Variants in SCN1A observed in about 807,000 individuals in gnomAD.
SCN1A encodes sodium voltage-gated channel alpha subunit 1.
A neutral mutation model predicts 193.7 loss-of-function variants in SCN1A; 13 were observed. That is an observed-to-expected ratio of 0.07 (90% CI 0.04 to 0.11). The LOEUF is 0.11. Among genes scored for constraint, SCN1A ranks in the 10% least tolerant of loss-of-function variants. SCN1A has a pLI of 1.00. For missense variants in SCN1A, 1,432 were observed against 2,451.1 expected, an observed-to-expected ratio of 0.58 and a Z score of 8.78; for synonymous variants, 781 against 843.6, an observed-to-expected ratio of 0.93 and a Z score of 1.29.
At chr2:166,129,769 T>C (rs1691575730), upstream of SCN1A, among the ~76,000 whole-genome samples, 1 of 152,174 alleles carries the variant, frequency 6.6e-6, no homozygotes. Context: ...TGGCCACATG[T>C]TTTAATGAAT....
At chr2:166,027,189 C>T (rs1195124201) in intron 19 of SCN1A, 1 of 152,256 alleles carries the variant, frequency 6.6e-6, no homozygotes, top group East Asian at 1.9e-4. Flanking sequence ...GCCTTGTACA[C>T]CAGGGCATTC....
In SCN1A at chr2:166,099,506, G is replaced by A. The variant is rs1177207965; in HGVS notation, c.-141-21705C>T. On this transcript the variant is annotated intron_variant, in intron 2 of 28. Transcript: ENST00000674923. ...TATTCAACATAGTGTTGGAAGTTCT[G>A]GCCAGGGCAATTAGGCAGGAGAAGG... Among the ~76,000 whole-genome samples, 14 of 144,098 alleles carry A rather than the reference G, an allele frequency of 9.7e-5. No homozygotes were observed. The South Asian group carries it at 2.9e-3, about 30-fold the overall frequency. The allele number at this position is 144,098 out of a possible 152,430, so 94.5% of individuals were successfully genotyped here. A position where few individuals can be genotyped will look rare whatever the true frequency, so the allele number is the denominator to read the frequency against.
At chr2:166,081,515 T>TA (rs1685522782) in intron 2 of SCN1A, 1 of 151,852 alleles carries the variant, frequency 6.6e-6, no homozygotes, top group African/African-American at 2.4e-5. Context: ...TTCTGTGAGA[T>TA]AAAAAGGTGA....
In SCN1A at chr2:166,052,835, T is replaced by C. The variant is rs1316113332; in HGVS notation, c.694+17A>G. 12 of 1,597,682 alleles carry C rather than the reference T, an allele frequency of 7.5e-6. No individual in the cohort carries two copies. The highest frequency in any genetic ancestry group is 5.0e-5 in the Admixed American group (3 of 59,674). ...ATCACATGATGGGTCCGTCTCATTA[T>C]CTAACCTTGCTCTCACCTGGAATGA... On this transcript the variant is annotated intron_variant, in intron 8 of 28. Coordinates refer to ENST00000674923, the MANE Select transcript of SCN1A (RefSeq NM_001165963.4).
chr2:165,992,499 C>A lies in SCN1A; in HGVS notation c.4853-77G>T. On this transcript the variant is annotated intron_variant, in intron 28 of 28. Transcript: ENST00000674923. This position sits in a 1 kb window ranked among gnomAD's most constrained non-coding sequence, Gnocchi z 6.5. Reference sequence around the variant, plus strand: ...TAAACATATGTTTCTTCTAAAGCTCCAAGGTAAGGTTCAGAGTCCTGAACC... The same window carrying A: ...TAAACATATGTTTCTTCTAAAGCTCAAAGGTAAGGTTCAGAGTCCTGAACC... 2.6e-6 allele frequency: 4 copies of A among 1,552,350 alleles called. No individual in the cohort carries two copies. The highest frequency in any genetic ancestry group is 3.5e-6 in the Non-Finnish European group (4 of 1,127,870).
intron 19 of SCN1A, among the ~76,000 whole-genome samples, chr2:166,031,765 T>C (rs1258745025): frequency 6.6e-6 from 1 of 152,156 alleles, no homozygotes; most frequent in African/African-American, 2.4e-5. Context: ...GCTAAGTACT[T>C]CACATTTATT....
rs545740675 is a variant in SCN1A, at chr2:166,090,029, CTTTTTTTTTTTTT to C, written c.-141-12241_-141-12229del. Among the ~76,000 whole-genome samples the C allele has an allele frequency of 2.8e-3, 200 of 71,434 alleles. 1 individual carries two copies. Among genetic ancestry groups the C allele is most frequent in the South Asian group, 0.023 (40 of 1,762 alleles). The allele number at this position is 71,434 out of a possible 152,430, so 46.9% of individuals were successfully genotyped here. On this transcript the variant is annotated intron_variant, in intron 2 of 28. Transcript: ENST00000674923. ...TCTTCCTTCCTTCCTTCCTTCTTTC[CTTTTTTTTTTTTT>C]TTTTTTTTTTTTTTTGATATAGGGT...
intron 3 of SCN1A, among the ~76,000 whole-genome samples, chr2:166,076,349 A>C (rs1257524640): frequency 6.6e-6 from 1 of 151,914 alleles, no homozygotes; most frequent in African/African-American, 2.4e-5. Flanking sequence ...TATTTTATCT[A>C]TTTGGAATTT....
chr2:166,003,857 A>AT (rs772797378), intron 23 of SCN1A, among the ~76,000 whole-genome samples: 229 of 116,292 alleles, frequency 2.0e-3, no homozygotes, highest in Non-Finnish European at 3.1e-3. Context: ...TTTTAGAACA[A>AT]TTTTTTTTAA....
At chr2:166,052,168 T>C (rs1191179796) in intron 8 of SCN1A, among the ~76,000 whole-genome samples, 180 bp from the exon 9 acceptor site, 1 of 152,004 alleles carries the variant, frequency 6.6e-6, no homozygotes, top group Non-Finnish European at 1.5e-5. Flanking sequence ...AGAAATGTAA[T>C]GATTTAAACA....
At chr2:166,131,666 A>G (rs1361529460), upstream of SCN1A, among the ~76,000 whole-genome samples, 1 of 152,232 alleles carries the variant, frequency 6.6e-6, no homozygotes, top group Non-Finnish European at 1.5e-5. Flanking sequence ...CAGAAGGCTG[A>G]GGAATTAGTG....
chr2:166,012,005 A>T, intron 22 of SCN1A, 104 bp downstream of exon 22: 1 of 997,046 alleles, frequency 1.0e-6, no homozygotes, highest in South Asian at 1.3e-5. Context: ...TGGTTATTAT[A>T]GTCTGTCAAC....
intron 20 of SCN1A, among the ~76,000 whole-genome samples, chr2:166,014,574 CA>C (rs201991349): frequency 3.8e-5 from 3 of 79,090 alleles, no homozygotes; most frequent in Non-Finnish European, 5.3e-5. Flanking sequence ...AGAACCTTAC[CA>C]AAAAAAATCT....
At position 165,991,486 on chromosome 2, in the gene SCN1A, A is replaced by C; in HGVS notation, c.5789T>G (p.Leu1930Arg). 6.2e-7 allele frequency: 1 copy of C among 1,613,902 alleles called. No individual in the cohort carries two copies. Among genetic ancestry groups the C allele is most frequent in the Non-Finnish European group, 8.5e-7 (1 of 1,179,896 alleles). ...AGCTTGTTTTACAGTTCGCTTTAAA[A>C]GGTGGCGTCTGTAAGCACGCTGAAT... The part of the protein sequence containing the change: ...VIIQRAYRRH[L>R]LKRTVKQASF... Residue 1930 changes from leucine (L) to arginine (R), a missense_variant, in exon 29 of 29, where the codon CTT becomes CGT. Around this residue, in one of 18 missense-constraint regions of SCN1A, gnomAD observed 148 missense variants for 160.3 expected, o/e 0.92. Transcript: ENST00000674923.
intron 2 of SCN1A, among the ~76,000 whole-genome samples, chr2:166,080,967 G>A (rs1685458287): frequency 6.6e-6 from 1 of 151,820 alleles, no homozygotes; most frequent in Non-Finnish European, 1.5e-5. Flanking sequence ...TCATTTCTAA[G>A]ACTTTACTAA....
At chr2:166,006,168 T>C (rs1056592101) in intron 23 of SCN1A, among the ~76,000 whole-genome samples, 2 of 151,270 alleles carry the variant, frequency 1.3e-5, no homozygotes, top group African/African-American at 2.4e-5. Flanking sequence ...AGAAAATCTA[T>C]GTGAATAAAA....
At chr2:166,039,948 G>A (rs1366748608) in intron 16 of SCN1A, among the ~76,000 whole-genome samples, 7 of 132,358 alleles carry the variant, frequency 5.3e-5, no homozygotes, top group African/African-American at 2.0e-4. Context: ...TTTTTGAGAC[G>A]GAGTGTCAGT....
Position 166,049,041 on chromosome 2 carries a change from A to C in SCN1A, c.965-92T>G. ...AAGGTCAGGTTCTACTTTTAAGTTT[A>C]TTGAGTAATTTTAAATATATTATTC... On this transcript the variant is annotated intron_variant, in intron 9 of 28. Transcript: ENST00000674923. 5.1e-6 allele frequency: 4 copies of C among 785,904 alleles called. 1 individual carries two copies. The South Asian group carries it at 5.7e-5, about 11-fold the overall frequency. The allele number at this position is 785,904 out of a possible 1,614,324, so 48.7% of individuals were successfully genotyped here. A position where few individuals can be genotyped will look rare whatever the true frequency, so the allele number is the denominator to read the frequency against.
At chr2:166,047,076 A>G in intron 11 of SCN1A, 100 bp from the exon 12 acceptor site, 1 of 1,326,938 alleles carries the variant, frequency 7.5e-7, no homozygotes, top group Non-Finnish European at 1.1e-6. Flanking sequence ...TCAGATATAA[A>G]TAGTAATTAT....
Sources: allele counts gnomAD v4.1 joint callset (sites outside exome capture counted in the v4.1 genomes callset), GRCh38; gene constraint gnomAD v4.1.1; regional missense constraint gnomAD v4.1.1; non-coding constraint Gnocchi (gnomAD v3.1); transcripts MANE v1.5; gene names NCBI Gene and HGNC (gene_info 2026-07-23, HGNC 2026-07-21).